The following PRKAG2 variants were observed in gnomAD, a reference collection of about 807,000 sequenced individuals.
PRKAG2 encodes protein kinase AMP-activated non-catalytic subunit gamma 2, also known as 5'-AMP-activated protein kinase subunit gamma-2.
A neutral mutation model predicts 69.6 loss-of-function variants in PRKAG2; 26 were observed. The ratio of observed to expected loss-of-function variants is 0.37; its 90% CI spans 0.27 to 0.52. PRKAG2 has a LOEUF of 0.52. Ranked by LOEUF, PRKAG2 falls within the 20% of genes least tolerant of loss-of-function variation. The pLI is 0.90. For synonymous variants in PRKAG2, 293 were observed against 285.0 expected (o/e 1.03, Z -0.28); for missense variants, 557 against 740.0 (o/e 0.75, Z 2.87).
At chr7:151,575,990 T>C (rs1390186322) in intron 7 of PRKAG2, among the ~76,000 whole-genome samples, 1 of 151,632 alleles carries the variant, frequency 6.6e-6, no homozygotes, top group East Asian at 1.9e-4. Flanking sequence ...AAGGAATTTT[T>C]TTTTTTTTTT....
intron 1 of PRKAG2, among the ~76,000 whole-genome samples, chr7:151,791,928 C>T (rs2077287849): frequency 6.6e-6 from 1 of 152,164 alleles, no homozygotes; most frequent in Non-Finnish European, 1.5e-5. Context: ...TGGTATCATC[C>T]CCGACTATAG....
rs2077015818 is a variant in PRKAG2, at chr7:151,786,481, A to G, written c.175T>C (p.Ser59Pro). ...AAAGGAGGTCTTACCTTTCGAGAGG[A>G]ATGCTTTCCGGAACCCTCCAGGTCT... ...DGDLEGSGKHSSRKVDSPFGP... is the reference protein window; with the variant it reads ...DGDLEGSGKHPSRKVDSPFGP... Residue 59 changes from serine to proline, a missense_variant, in exon 2 of 16, where the codon TCC becomes CCC. This residue lies in a region of PRKAG2 where 352 missense variants were observed against 356.7 expected (regional missense o/e 0.99). Coordinates refer to ENST00000287878, the MANE Select transcript of PRKAG2 (RefSeq NM_016203.4). 6.2e-7 allele frequency: 1 copy of G among 1,612,190 alleles called. No homozygotes were observed. The highest frequency in any genetic ancestry group is 1.3e-5 in the African/African-American group (1 of 74,906).
At chr7:151,626,252 T>G (rs1274675791) in intron 5 of PRKAG2, among the ~76,000 whole-genome samples, 1 of 152,136 alleles carries the variant, frequency 6.6e-6, no homozygotes. Context: ...GATCTTCCGG[T>G]GACAAAACCT....
chr7:151,713,891 T>C (rs1795718983), intron 3 of PRKAG2, among the ~76,000 whole-genome samples: 2 of 152,220 alleles, frequency 1.3e-5, no homozygotes, highest in African/African-American at 4.8e-5. Context: ...TGTTTAAATG[T>C]AGCTACCATG....
At chr7:151,642,703 G>A (rs553905244) in intron 4 of PRKAG2, among the ~76,000 whole-genome samples, 1 of 152,298 alleles carries the variant, frequency 6.6e-6, no homozygotes, top group East Asian at 1.9e-4. Context: ...TATCTTTTCA[G>A]AGAGAGTAGC....
At chr7:151,838,928 T>C (rs1275518288) in intron 1 of PRKAG2, among the ~76,000 whole-genome samples, 1 of 148,774 alleles carries the variant, frequency 6.7e-6, no homozygotes, top group Non-Finnish European at 1.5e-5. Flanking sequence ...GACAGAAGAA[T>C]CGCTTGAACC....
At chr7:151,562,734 G>A (rs901435529) in intron 14 of PRKAG2, among the ~76,000 whole-genome samples, 4 of 152,078 alleles carry the variant, frequency 2.6e-5, no homozygotes, top group East Asian at 1.9e-4. Flanking sequence ...TTGGGAGGCC[G>A]AGGCGGGCAG....
chr7:151,800,966 T>A (rs1383607085), intron 1 of PRKAG2, among the ~76,000 whole-genome samples: 1 of 152,200 alleles, frequency 6.6e-6, no homozygotes, highest in African/African-American at 2.4e-5. Flanking sequence ...GGGCACCCTC[T>A]GAACTTTCCG....
chr7:151,618,322 G>A (rs973373767), intron 5 of PRKAG2, among the ~76,000 whole-genome samples: 3 of 152,072 alleles, frequency 2.0e-5, no homozygotes, highest in Admixed American at 2.0e-4. Flanking sequence ...GCATGGTGGT[G>A]GGTGCCTGTA....
chr7:151,672,322 C>G (rs1412045409), intron 4 of PRKAG2, among the ~76,000 whole-genome samples: 1 of 150,630 alleles, frequency 6.6e-6, no homozygotes. Flanking sequence ...AGGATGGTCT[C>G]GATCTCTCGT....
At chr7:151,731,885 T>C (rs1434411295) in intron 3 of PRKAG2, among the ~76,000 whole-genome samples, 1 of 152,148 alleles carries the variant, frequency 6.6e-6, no homozygotes, top group Non-Finnish European at 1.5e-5. Flanking sequence ...TCTCCCAGGC[T>C]GGAGTGCAGT....
intron 6 of PRKAG2, among the ~76,000 whole-genome samples, chr7:151,578,200 C>T (rs961730921): frequency 6.6e-6 from 1 of 151,926 alleles, no homozygotes; most frequent in African/African-American, 2.4e-5. Context: ...CAAAAATTAG[C>T]TGGGCATGGT....
intron 5 of PRKAG2, among the ~76,000 whole-genome samples, chr7:151,616,877 G>C (rs1483709693): frequency 1.3e-5 from 2 of 152,214 alleles, no homozygotes; most frequent in African/African-American, 4.8e-5. Context: ...ATCTTAGCCT[G>C]AAACAGCTGG....
chr7:151,569,012 A>G (rs1289897803), intron 10 of PRKAG2, among the ~76,000 whole-genome samples, 170 bp from the exon 11 acceptor site: 3 of 152,200 alleles, frequency 2.0e-5, no homozygotes, highest in Non-Finnish European at 4.4e-5. Flanking sequence ...TTCACAATCT[A>G]TGTTAACATA....
At chr7:151,792,483 TG>T (rs1047110023) in intron 1 of PRKAG2, among the ~76,000 whole-genome samples, 4 of 152,240 alleles carry the variant, frequency 2.6e-5, no homozygotes, top group African/African-American at 7.2e-5. Flanking sequence ...TCTTGAAGGA[TG>T]GGGGCAGTTT....
intron 3 of PRKAG2, among the ~76,000 whole-genome samples, chr7:151,758,257 T>C (rs1301668087): frequency 6.6e-6 from 1 of 152,212 alleles, no homozygotes; most frequent in African/African-American, 2.4e-5. Context: ...TGCCATTTCT[T>C]GCTCCGTGGG....
intron 4 of PRKAG2, among the ~76,000 whole-genome samples, chr7:151,674,307 C>A (rs981457659): frequency 1.3e-4 from 20 of 152,190 alleles, no homozygotes; most frequent in Non-Finnish European, 1.5e-5. Flanking sequence ...CCTGCCAACA[C>A]CTTGACTTTG....
At chr7:151,694,097 C>A (rs1418608322) in intron 3 of PRKAG2, among the ~76,000 whole-genome samples, 1 of 152,182 alleles carries the variant, frequency 6.6e-6, no homozygotes, top group African/African-American at 2.4e-5. Flanking sequence ...TGGTCTTGAA[C>A]TCCCGACCTC....
At chr7:151,802,962 A>ATAT (rs1554605694) in intron 1 of PRKAG2, among the ~76,000 whole-genome samples, 16,340 of 131,304 alleles carry the variant, frequency 0.12, 1,105 homozygotes, top group Non-Finnish European at 0.14. Context: ...ATATATATAT[A>ATAT]TTTTTTTTTT....
Sources: gnomAD v4.1 joint callset for allele counts (sites outside exome capture counted in the v4.1 genomes callset) on GRCh38, gnomAD v4.1.1 for gene constraint, gnomAD v4.1.1 regional missense constraint, MANE v1.5 for transcripts, NCBI Gene and HGNC (gene_info 2026-07-23, HGNC 2026-07-21) for gene names.